Variants in KCNQ1 observed in about 807,000 individuals in gnomAD.
The protein encoded by KCNQ1 is potassium voltage-gated channel subfamily KQT member 1.
Under a neutral mutation model 72.4 loss-of-function variants are expected in KCNQ1, and 49 were observed. That is an observed-to-expected ratio of 0.68 (90% CI 0.54 to 0.86). The LOEUF (loss-of-function observed/expected upper bound fraction) is 0.86, where lower values mean the gene tolerates loss of function less well. Ranked by LOEUF, KCNQ1 falls within the 40% of genes least tolerant of loss-of-function variation. The pLI, the probability that KCNQ1 is intolerant of heterozygous loss-of-function variation, is 0.00. For synonymous variants in KCNQ1, 450 were observed against 412.6 expected, an observed-to-expected ratio of 1.09 and a Z score of -1.10; for missense variants, 790 against 945.1, an observed-to-expected ratio of 0.84 and a Z score of 2.15.
Position 2,752,140 on chromosome 11 carries a change from AGTGTTGACTTGAGTTGCATCGTGTT to A in KCNQ1, c.1515-16690_1515-16666del, listed in dbSNP as rs1283810030. On this transcript the variant is annotated intron_variant, in intron 11 of 15. Coordinates refer to ENST00000155840, the MANE Select transcript of KCNQ1 (RefSeq NM_000218.3). The surrounding 1 kb of genome is among the most constrained non-coding windows in gnomAD (Gnocchi z 5.2). ...GCCGAGCTTGGGAGTTGTGTTGTGT[AGTGTTGACTTGAGTTGCATCGTGTT>A]GTGTTGACTTGAGCTGAACTGTGCT... Among the ~76,000 whole-genome samples the A allele has an allele frequency of 6.6e-6, 1 of 152,168 alleles. No homozygotes were observed. Among genetic ancestry groups the A allele is most frequent in the Non-Finnish European group, 1.5e-5 (1 of 68,040 alleles).
At chr11:2,519,102 G>A (rs1436825206) in intron 1 of KCNQ1, among the ~76,000 whole-genome samples, 2 of 152,250 alleles carry the variant, frequency 1.3e-5, no homozygotes, top group Non-Finnish European at 2.9e-5. Context: ...AGGGGCAATG[G>A]TTGGGGGGCA....
chr11:2,504,198 G>A (rs765732349), intron 1 of KCNQ1, among the ~76,000 whole-genome samples: 1 of 152,146 alleles, frequency 6.6e-6, no homozygotes, highest in Non-Finnish European at 1.5e-5. Flanking sequence ...GGAACTGGAG[G>A]TCACTATATT....
chr11:2,596,327 A>G lies in KCNQ1; in HGVS notation c.1393+7473A>G, dbSNP rs117038599. On this transcript the variant is annotated intron_variant, in intron 10 of 15. Coordinates refer to ENST00000155840, the MANE Select transcript of KCNQ1 (RefSeq NM_000218.3). ...ACCTACCATATTCTACAGCGATTCT[A>G]TTCCTAGGTATTTATCCAGGAGAAA... Among the ~76,000 whole-genome samples, 18 of 152,322 alleles carry G rather than the reference A, an allele frequency of 1.2e-4. No homozygotes were observed. The East Asian group carries it at 2.9e-3, about 24-fold the overall frequency.
rs1846231269 is a variant in KCNQ1 at position 2,458,683 on chromosome 11, G to GATC, written c.386+13199_386+13200insATC. Among the ~76,000 whole-genome samples the GATC allele has an allele frequency of 5.5e-5, 7 of 127,290 alleles. No individual in the cohort carries two copies. Among genetic ancestry groups the GATC allele is most frequent in the South Asian group, 2.6e-4 (1 of 3,788 alleles). The allele number at this position is 127,290 out of a possible 152,430, so 83.5% of individuals were successfully genotyped here. A position where few individuals can be genotyped will look rare whatever the true frequency, so the allele number is the denominator to read the frequency against. Reference sequence around the variant, plus strand: ...TGGATGGATGGATGGATGGATGGATGGATCGATCGATCTCACCAAGCCTCG... The same window carrying GATC: ...TGGATGGATGGATGGATGGATGGATGATCGATCGATCGATCTCACCAAGCCTCG... On this transcript the variant is annotated intron_variant, in intron 1 of 15. Transcript: ENST00000155840. This position sits in a 1 kb window ranked among gnomAD's most constrained non-coding sequence, Gnocchi z 4.6.
At position 2,446,662 on chromosome 11, in the gene KCNQ1, G is replaced by A. The variant is rs1846041647; in HGVS notation, c.386+1178G>A. Among the ~76,000 whole-genome samples, 1 of 152,182 alleles carries A rather than the reference G, an allele frequency of 6.6e-6. No individual in the cohort carries two copies. Among genetic ancestry groups the A allele is most frequent in the Non-Finnish European group, 1.5e-5 (1 of 68,020 alleles). ...GCTACTGCCTTCCTTGCTAAGAGGT[G>A]GCCTTCCACATCAGGAAGGGGAAGT... is the stretch of plus-strand genomic sequence containing the variant. On this transcript the variant is annotated intron_variant, in intron 1 of 15. Coordinates refer to ENST00000155840, the MANE Select transcript of KCNQ1 (RefSeq NM_000218.3). The surrounding 1 kb of genome is among the most constrained non-coding windows in gnomAD (Gnocchi z 8.8).
At chr11:2,568,825 C>CA (rs1482533780) in intron 2 of KCNQ1, among the ~76,000 whole-genome samples, 14 of 152,154 alleles carry the variant, frequency 9.2e-5, no homozygotes, top group African/African-American at 3.4e-4. Context: ...ACACCCCCCC[C>CA]ATGAGGCCAC....
In KCNQ1 at chr11:2,674,835, A is replaced by T; in HGVS notation, c.1514+12754A>T. The T allele has an allele frequency of 1.3e-4, 30 of 228,778 alleles. No individual in the cohort carries two copies. Among genetic ancestry groups the T allele is most frequent in the East Asian group, 5.5e-4 (6 of 10,896 alleles). 14.2% of individuals were successfully genotyped at this position (228,778 alleles called of 1,614,324 possible). A position where few individuals can be genotyped will look rare whatever the true frequency, so the allele number is the denominator to read the frequency against. ...TGTCACCCTAATAGCTGTTTTTTAA[A>T]AAAAAAAAAAAAAAAAAAAAAAAAA... On this transcript the variant is annotated intron_variant, in intron 11 of 15. Transcript: ENST00000155840. The surrounding 1 kb of genome is among the most constrained non-coding windows in gnomAD (Gnocchi z 5.9).
chr11:2,532,811 G>A (rs1847663076), intron 2 of KCNQ1, among the ~76,000 whole-genome samples: 1 of 152,220 alleles, frequency 6.6e-6, no homozygotes, highest in Non-Finnish European at 1.5e-5. Context: ...GCCTGGAGGA[G>A]TGAGGACGGC....
rs1014907111 is a variant in KCNQ1 at position 2,740,465 on chromosome 11, A to G, written c.1515-28379A>G. Among the ~76,000 whole-genome samples, 6 of 152,342 alleles carry G rather than the reference A, an allele frequency of 3.9e-5. No individual in the cohort carries two copies. The East Asian group carries it at 5.8e-4, about 15-fold the overall frequency. On this transcript the variant is annotated intron_variant, in intron 11 of 15. Coordinates refer to ENST00000155840, the MANE Select transcript of KCNQ1 (RefSeq NM_000218.3). The stretch of plus-strand genomic sequence containing the variant: ...CAGATGGGGCGAGGGACCCCGATGC[A>G]GCCCCACCCAGAGGACAGCGCACGC...
intron 10 of KCNQ1, among the ~76,000 whole-genome samples, chr11:2,604,957 T>C (rs1411760965): frequency 6.6e-6 from 1 of 152,208 alleles, no homozygotes; most frequent in South Asian, 2.1e-4. Flanking sequence ...CACCAACACT[T>C]GCTATTATCT....
intron 12 of KCNQ1, among the ~76,000 whole-genome samples, chr11:2,771,916 A>G (rs2133984556): frequency 6.6e-6 from 1 of 152,268 alleles, no homozygotes; most frequent in East Asian, 1.9e-4. Flanking sequence ...ATGGCCCAGG[A>G]GGCTTCCTGA....
chr11:2,736,366 G>A (rs185233787), intron 11 of KCNQ1, among the ~76,000 whole-genome samples: 45 of 152,316 alleles, frequency 3.0e-4, no homozygotes, highest in Non-Finnish European at 5.6e-4. Flanking sequence ...CTGGAGTGCC[G>A]AGGGCCCAGG....
intron 11 of KCNQ1, among the ~76,000 whole-genome samples, chr11:2,749,312 CGGG>C (rs778653766): frequency 7.9e-5 from 12 of 151,486 alleles, no homozygotes; most frequent in Non-Finnish European, 1.6e-4. Flanking sequence ...CGAGGGGTGT[CGGG>C]GGCCTCGGCT....
rs1031678574 is a variant in KCNQ1 at position 2,710,476 on chromosome 11, T to A, written c.1514+48395T>A. Among the ~76,000 whole-genome samples the A allele has an allele frequency of 1.2e-4, 18 of 152,230 alleles. No homozygotes were observed. Among genetic ancestry groups the A allele is most frequent in the African/African-American group, 4.3e-4 (18 of 41,464 alleles). On this transcript the variant is annotated intron_variant, in intron 11 of 15. Coordinates refer to ENST00000155840, the MANE Select transcript of KCNQ1 (RefSeq NM_000218.3). This position sits in a 1 kb window ranked among gnomAD's most constrained non-coding sequence, Gnocchi z 4.1. ...TCCTTTGACTCACAAAGGTTTTTAA[T>A]TTTGATGAAGTTCAATTTATCTGTT... is the stretch of plus-strand genomic sequence containing the variant.
At chr11:2,555,593 G>T (rs1424799447) in intron 2 of KCNQ1, among the ~76,000 whole-genome samples, 1 of 152,244 alleles carries the variant, frequency 6.6e-6, no homozygotes, top group Non-Finnish European at 1.5e-5. Context: ...TGTGTGCGGG[G>T]CCCTGGGTAT....
chr11:2,583,356 T>C, intron 6 of KCNQ1, 79 bp from the exon 7 acceptor site: 4 of 944,162 alleles, frequency 4.2e-6, no homozygotes, highest in Non-Finnish European at 7.0e-6. Flanking sequence ...CTCATCAGAG[T>C]GGTGGGTTTG....
rs116119200 is a variant in KCNQ1 at position 2,825,086 on chromosome 11, C to T, written c.1795-22681C>T. On this transcript the variant is annotated intron_variant, in intron 15 of 15. Transcript: ENST00000155840. Reference sequence around the variant, plus strand: ...GTGCAGGAGGCGCAGTGTGCTGGGCCTCAGCCTGGACACGGCTGTCCCATG... The same window carrying T: ...GTGCAGGAGGCGCAGTGTGCTGGGCTTCAGCCTGGACACGGCTGTCCCATG... Among the ~76,000 whole-genome samples the T allele has an allele frequency of 3.2e-3, 495 of 152,336 alleles. 4 individuals carry two copies. Among genetic ancestry groups the T allele is most frequent in the African/African-American group, 0.012 (481 of 41,574 alleles).
At chr11:2,470,419 G>A (rs371755549) in intron 1 of KCNQ1, among the ~76,000 whole-genome samples, 1 of 152,160 alleles carries the variant, frequency 6.6e-6, no homozygotes, top group African/African-American at 2.4e-5. Context: ...TACAGAAGAC[G>A]TATATTGGAG....
At chr11:2,814,449 G>T (rs549824054) in intron 15 of KCNQ1, among the ~76,000 whole-genome samples, 11 of 151,642 alleles carry the variant, frequency 7.3e-5, no homozygotes, top group African/African-American at 2.7e-4. Context: ...TGAAGAGATG[G>T]GTGGGTGGAT....
Sources: allele counts gnomAD v4.1 joint callset (sites outside exome capture counted in the v4.1 genomes callset), GRCh38; gene constraint gnomAD v4.1.1; non-coding constraint Gnocchi (gnomAD v3.1); transcripts MANE v1.5; gene names NCBI Gene and HGNC (gene_info 2026-07-23, HGNC 2026-07-21).